OR12D2: variants seen among roughly 807,000 people sequenced by gnomAD.
OR12D2 encodes olfactory receptor 12D2.
For missense variants in OR12D2, 345 were observed against 371.6 expected, an observed-to-expected ratio of 0.93 and a Z score of 0.59; for synonymous variants, 146 against 142.3, an observed-to-expected ratio of 1.03 and a Z score of -0.19.
Position 29,396,829 on chromosome 6 carries a change from CTGA to C in OR12D2, c.135_137del (p.Met45del), listed in dbSNP as rs915686241. 3.7e-6 allele frequency: 6 copies of C among 1,612,794 alleles called. No homozygotes were observed. The African/African-American group carries it at 6.7e-5, about 18-fold the overall frequency. On this transcript the variant is annotated inframe_deletion, in exon 2 of 2. Coordinates refer to ENST00000642051, the MANE Select transcript of OR12D2 (RefSeq NM_013936.4). ...CAGTGTGACTGGGAATGGAGCCGTT[CTGA>C]TGATTGTCATCTCCGATCCTAGACT...
Position 29,397,894 on chromosome 6 carries a change from ATGTACT to A in OR12D2, c.*276_*281del, listed in dbSNP as rs140877283. On this transcript the variant is annotated 3_prime_UTR_variant, in exon 2 of 2. Transcript: ENST00000642051. ...TAATTGACTTATTATGTATTCTAAC[ATGTACT>A]TGTATGCAATTGCATGTAGAATTTT... 8.4e-3 allele frequency: 3,597 copies of A among 429,694 alleles called. 113 individuals carry two copies. The highest frequency in any genetic ancestry group is 0.065 in the African/African-American group (3,282 of 50,246). 26.6% of individuals were successfully genotyped at this position (429,694 alleles called of 1,614,324 possible). A position where few individuals can be genotyped will look rare whatever the true frequency, so the allele number is the denominator to read the frequency against.
rs776880463 is a variant in OR12D2 at position 29,397,374 on chromosome 6, C to G, written c.675C>G (p.Phe225Leu). The change falls in exon 2 of 2, where the codon TTC becomes TTG. Residue 225 changes from phenylalanine to leucine, a missense_variant. By Grantham distance (22) the Phe-to-Leu change is conservative. Transcript: ENST00000642051. ...TCTACATTATCACTTATCTCTTCTT[C>G]AAGACCCGTTCTTGTAGCATGCTCT... ...SYFYIITYLF[F>L]KTRSCSMLCK... is the part of the protein sequence containing the mutation. 1 of 1,613,078 alleles carries G rather than the reference C, an allele frequency of 6.2e-7. No individual in the cohort carries two copies. Among genetic ancestry groups the G allele is most frequent in the South Asian group, 1.1e-5 (1 of 91,084 alleles).
In OR12D2 at chr6:29,397,847, T is replaced by A. The variant is rs1780651821; in HGVS notation, c.*224T>A. 1 of 513,836 alleles carries A rather than the reference T, an allele frequency of 1.9e-6. No individual in the cohort carries two copies. Among genetic ancestry groups the A allele is most frequent in the African/African-American group, 1.9e-5 (1 of 52,236 alleles). The allele number at this position is 513,836 out of a possible 1,614,324, so 31.8% of individuals were successfully genotyped here. Reference sequence around the variant, plus strand: ...AGCCATGGAACCCTAATGCTGAAAATTTTTTGGAATATCAGTTGATGTAAT... The same window carrying A: ...AGCCATGGAACCCTAATGCTGAAAAATTTTTGGAATATCAGTTGATGTAAT... On this transcript the variant is annotated 3_prime_UTR_variant, in exon 2 of 2. Coordinates refer to ENST00000642051, the MANE Select transcript of OR12D2 (RefSeq NM_013936.4).
At position 29,397,228 on chromosome 6, in the gene OR12D2, T is replaced by C; in HGVS notation, c.529T>C (p.Cys177Arg). ...TTCCAACCGTATCCATCATTTTCTC[T>C]GTGATATTAAGCCATTGCTAAAGCT... ...CGSNRIHHFLCDIKPLLKLAC... is the reference protein window; with the variant it reads ...CGSNRIHHFLRDIKPLLKLAC... Residue 177 changes from cysteine (C) to arginine (R), a missense_variant, in exon 2 of 2, where the codon TGT (cysteine) becomes CGT (arginine). Cys to Arg is a radical substitution (Grantham distance 180). Coordinates refer to ENST00000642051, the MANE Select transcript of OR12D2 (RefSeq NM_013936.4). The C allele has an allele frequency of 1.2e-6, 2 of 1,613,122 alleles. No individual in the cohort carries two copies. Among genetic ancestry groups the C allele is most frequent in the Non-Finnish European group, 1.7e-6 (2 of 1,180,036 alleles).
Position 29,397,354 on chromosome 6 carries a change from A to G in OR12D2, c.655A>G (p.Ile219Val). 6.2e-7 allele frequency: 1 copy of G among 1,612,944 alleles called. No individual in the cohort carries two copies. Among genetic ancestry groups the G allele is most frequent in the Non-Finnish European group, 8.5e-7 (1 of 1,180,002 alleles). The change falls in exon 2 of 2, where the codon ATT (isoleucine) becomes GTT (valine). Residue 219 changes from isoleucine (I) to valine (V), a missense_variant. Physicochemically the swap from Ile to Val is conservative, Grantham distance 29. Transcript: ENST00000642051. ...TCTGACACTTCTCTCCTATTTCTACATTATCACTTATCTCTTCTTCAAGAC... is the reference window on the plus strand; with the variant it reads ...TCTGACACTTCTCTCCTATTTCTACGTTATCACTTATCTCTTCTTCAAGAC... ...FFLTLLSYFY[I>V]ITYLFFKTRS...
rs754865920 is a variant in OR12D2, at chr6:29,397,451, A to G, written c.752A>G (p.Tyr251Cys). 9.9e-6 allele frequency: 16 copies of G among 1,612,806 alleles called. No homozygotes were observed. In the East Asian group the frequency reaches 1.3e-4, roughly 13 times the overall value. Residue 251 changes from tyrosine (Y) to cysteine (C), a missense_variant, in exon 2 of 2, where the codon TAT becomes TGT. Coordinates refer to ENST00000642051, the MANE Select transcript of OR12D2 (RefSeq NM_013936.4). ...ASHFMVVILF[Y>C]APVLFTYIHP... ...CACTTCATGGTAGTTATTCTTTTCT[A>G]TGCACCTGTTCTTTTCACCTATATC...
rs1159031224 is a variant in OR12D2, at chr6:29,396,955, A to C, written c.256A>C (p.Thr86Pro). ...AAAAATGCTGCAGAACTTTCTCTCT[A>C]CACACAAAGCAATTTCTTTCTTGGG... Reference protein sequence around the residue: ...LPKMLQNFLSTHKAISFLGCI... With the variant: ...LPKMLQNFLSPHKAISFLGCI... The change falls in exon 2 of 2, where the codon ACA (threonine) becomes CCA (proline). Residue 86 changes from threonine (T) to proline (P), a missense_variant. Thr to Pro is a conservative substitution (Grantham distance 38, BLOSUM62 -1). Coordinates refer to ENST00000642051, the MANE Select transcript of OR12D2 (RefSeq NM_013936.4). The C allele has an allele frequency of 6.2e-7, 1 of 1,613,044 alleles. No individual in the cohort carries two copies. The highest frequency in any genetic ancestry group is 8.5e-7 in the Non-Finnish European group (1 of 1,180,022).
chr6:29,396,326 T>G (rs1355635665), intron 1 of OR12D2, among the ~76,000 whole-genome samples: 1 of 152,138 alleles, frequency 6.6e-6, no homozygotes, highest in East Asian at 1.9e-4. Flanking sequence ...GATATCCAAG[T>G]GGTGGTGCAC....
chr6:29,397,835 T>A lies in OR12D2; in HGVS notation c.*212T>A, dbSNP rs574502461. 13 of 523,544 alleles carry A rather than the reference T, an allele frequency of 2.5e-5. No individual in the cohort carries two copies. Among genetic ancestry groups the A allele is most frequent in the Middle Eastern group, 4.9e-4 (1 of 2,046 alleles). The allele number at this position is 523,544 out of a possible 1,614,324, so 32.4% of individuals were successfully genotyped here. On this transcript the variant is annotated 3_prime_UTR_variant, in exon 2 of 2. Coordinates refer to ENST00000642051, the MANE Select transcript of OR12D2 (RefSeq NM_013936.4). ...ATGCAAGACACTAGCCATGGAACCC[T>A]AATGCTGAAAATTTTTTGGAATATC...
Position 29,396,908 on chromosome 6 carries a change from G to A in OR12D2, c.209G>A (p.Cys70Tyr), listed in dbSNP as rs36210740. ...FLGNLSYLDI[C>Y]YSTVTLPKML... Reference sequence around the variant, plus strand: ...GGAAACCTGTCCTACCTGGATATCTGTTACTCTACGGTGACACTGCCAAAA... The same window carrying A: ...GGAAACCTGTCCTACCTGGATATCTATTACTCTACGGTGACACTGCCAAAA... The change falls in exon 2 of 2, where the codon TGT (cysteine) becomes TAT (tyrosine). Residue 70 changes from cysteine to tyrosine, a missense_variant. By Grantham distance (194) the Cys-to-Tyr change is radical. Transcript: ENST00000642051. 3,733 of 1,612,990 alleles carry A rather than the reference G, an allele frequency of 2.3e-3. 12 individuals carry two copies. Among genetic ancestry groups the A allele is most frequent in the African/African-American group, 7.6e-3 (568 of 75,044 alleles).
In OR12D2 at chr6:29,396,989, G is replaced by T. The variant is rs1468531988; in HGVS notation, c.290G>T (p.Ser97Ile). The change falls in exon 2 of 2, where the codon AGC becomes ATC. Residue 97 changes from serine to isoleucine, a missense_variant. Transcript: ENST00000642051. ...GCAATTTCTTTCTTGGGATGCATAAGCCAGCTTCATTTCTTCCACTCCCTG... is the reference window on the plus strand; with the variant it reads ...GCAATTTCTTTCTTGGGATGCATAATCCAGCTTCATTTCTTCCACTCCCTG... ...HKAISFLGCISQLHFFHSLGS... is the reference protein window; with the variant it reads ...HKAISFLGCIIQLHFFHSLGS... 6.2e-7 allele frequency: 1 copy of T among 1,613,092 alleles called. No homozygotes were observed. Among genetic ancestry groups the T allele is most frequent in the Non-Finnish European group, 8.5e-7 (1 of 1,180,022 alleles).
chr6:29,396,046 C>A (rs1170445538), intron 1 of OR12D2, among the ~76,000 whole-genome samples: 1 of 151,328 alleles, frequency 6.6e-6, no homozygotes, highest in African/African-American at 2.4e-5. Flanking sequence ...AAGATGAGAA[C>A]AAAATAATTA....
chr6:29,396,470 T>C (rs1169883403), intron 1 of OR12D2: 2 of 513,648 alleles, frequency 3.9e-6, no homozygotes, highest in Non-Finnish European at 6.8e-6. Flanking sequence ...AAGAAATACG[T>C]TAATGATAAA....
Position 29,397,608 on chromosome 6 carries a change from G to A in OR12D2, c.909G>A (p.Val303=). ...NKEVKGALGR[V]IRRL ...AAGTGAAGGGGGCCTTGGGTAGAGT[G>A]ATCAGAAGGCTTTGATTTGAATAAA... Residue 303 remains valine, a synonymous_variant, in exon 2 of 2, where the codon GTG becomes GTA. Transcript: ENST00000642051. The A allele has an allele frequency of 6.2e-7, 1 of 1,611,428 alleles. No homozygotes were observed. The highest frequency in any genetic ancestry group is 8.5e-7 in the Non-Finnish European group (1 of 1,179,266).
In OR12D2 at chr6:29,396,683, G is replaced by T. The variant is rs773805781; in HGVS notation, c.-2-15G>T. 6.3e-7 allele frequency: 1 copy of T among 1,596,492 alleles called. No homozygotes were observed. Among genetic ancestry groups the T allele is most frequent in the Middle Eastern group, 2.3e-4 (1 of 4,434 alleles). ...CGATTAGTGTTCCATAGATTATTTT[G>T]TCTTTTGTCTGAAGTGATGCTGAAT... is the stretch of plus-strand genomic sequence containing the variant. On this transcript the variant is annotated splice_polypyrimidine_tract_variant and intron_variant, in intron 1 of 1. Transcript: ENST00000642051.
intron 1 of OR12D2, 67 bp from the exon 2 acceptor site, chr6:29,396,628 GAAA>G: frequency 7.6e-7 from 1 of 1,308,752 alleles, no homozygotes; most frequent in Non-Finnish European, 1.1e-6. Context: ...GGCTTGGTGA[GAAA>G]ATTCTGAGCC....
chr6:29,397,856 A>G lies in OR12D2; in HGVS notation c.*233A>G. 1 of 512,332 alleles carries G rather than the reference A, an allele frequency of 2.0e-6. No homozygotes were observed. Among genetic ancestry groups the G allele is most frequent in the South Asian group, 3.6e-5 (1 of 27,884 alleles). 31.7% of individuals were successfully genotyped at this position (512,332 alleles called of 1,614,324 possible). ...ACCCTAATGCTGAAAATTTTTTGGA[A>G]TATCAGTTGATGTAATTGACTTATT... On this transcript the variant is annotated 3_prime_UTR_variant, in exon 2 of 2. Transcript: ENST00000642051.
chr6:29,397,194 C>A lies in OR12D2; in HGVS notation c.495C>A (p.Asn165Lys), dbSNP rs138029205. Residue 165 changes from asparagine to lysine, a missense_variant, in exon 2 of 2, where the codon AAC becomes AAA. Asn to Lys is a moderately conservative substitution (Grantham distance 94). Coordinates refer to ENST00000642051, the MANE Select transcript of OR12D2 (RefSeq NM_013936.4). The part of the protein sequence containing the change: ...LLHSVMTSRL[N>K]FCGSNRIHHF... ...ACTCCGTAATGACTTCTCGCTTGAA[C>A]TTCTGTGGTTCCAACCGTATCCATC... 2.4e-5 allele frequency: 39 copies of A among 1,612,976 alleles called. No individual in the cohort carries two copies. The highest frequency in any genetic ancestry group is 3.1e-5 in the Non-Finnish European group (37 of 1,180,036).
At position 29,397,613 on chromosome 6, in the gene OR12D2, G is replaced by A; in HGVS notation, c.914G>A (p.Arg305Lys). Residue 305 changes from arginine to lysine, a missense_variant, in exon 2 of 2, where the codon AGA becomes AAA. Physicochemically the swap from Arg to Lys is conservative, Grantham distance 26. Transcript: ENST00000642051. ...AAGGGGGCCTTGGGTAGAGTGATCA[G>A]AAGGCTTTGATTTGAATAAACCAGA... Reference protein sequence around the residue: ...EVKGALGRVIRRL With the variant: ...EVKGALGRVIKRL 6.2e-7 allele frequency: 1 copy of A among 1,611,112 alleles called. No individual in the cohort carries two copies.
Sources: allele counts gnomAD v4.1 joint callset (sites outside exome capture counted in the v4.1 genomes callset), GRCh38; gene constraint gnomAD v4.1.1; transcripts MANE v1.5; gene names NCBI Gene and HGNC (gene_info 2026-07-23, HGNC 2026-07-21).